The following MYO9B variants were observed in gnomAD, a reference collection of about 807,000 sequenced individuals.
MYO9B encodes unconventional myosin-IXb.
In MYO9B, 71 loss-of-function variants were observed where a neutral mutation model predicts 229.5. The observed-to-expected ratio is 0.31, with a 90% CI of 0.26 to 0.38. The LOEUF (loss-of-function observed/expected upper bound fraction) is 0.38. MYO9B is among the 10% of genes least tolerant of loss of function. MYO9B has a pLI of 1.00. For missense variants in MYO9B, 2,255 were observed against 2,920.5 expected, an observed-to-expected ratio of 0.77 and a Z score of 5.25; for synonymous variants, 1,185 against 1,235.8, an observed-to-expected ratio of 0.96 and a Z score of 0.86.
intron 32 of MYO9B, 34 bp from the exon 33 acceptor site, chr19:17,206,214 G>A (rs767108512): frequency 2.0e-5 from 32 of 1,588,498 alleles, no homozygotes; most frequent in Middle Eastern, 1.9e-4. Context: ...CTGCCAGTGC[G>A]CCGCTCACCA....
rs191540028 is a variant in MYO9B at position 17,147,831 on chromosome 19, C to T, written c.935+2340C>T. On this transcript the variant is annotated intron_variant, in intron 3 of 39. Coordinates refer to ENST00000682292, the MANE Select transcript of MYO9B (RefSeq NM_004145.4). ...TCGAGTAGCTGGGATTACAGGCATGCGCCACCACACCTGGCTAATTTTGTA... is the reference window on the plus strand; with the variant it reads ...TCGAGTAGCTGGGATTACAGGCATGTGCCACCACACCTGGCTAATTTTGTA... 1.1e-3 allele frequency among the ~76,000 whole-genome samples: 165 copies of T among 151,294 alleles called. 2 individuals are homozygous for T. In the East Asian group the frequency reaches 0.024, roughly 22 times the overall value.
At chr19:17,183,761 G>T (rs1392685788) in intron 15 of MYO9B, 68 bp from the exon 16 acceptor site, 2 of 1,396,826 alleles carry the variant, frequency 1.4e-6, no homozygotes, top group African/African-American at 2.9e-5. Context: ...GGCGTGGCTT[G>T]CTGAACTAAC....
rs1183417645 is a variant in MYO9B, at chr19:17,162,439, C to T, written c.1509C>T (p.Asn503=). 1.3e-6 allele frequency: 2 copies of T among 1,577,698 alleles called. No homozygotes were observed. The highest frequency in any genetic ancestry group is 1.8e-5 in the Admixed American group (1 of 54,540). ...TGCGGATCAACCACGCACTCCTCAA[C>T]AAGAAGGACGTGGAAGAGGCAGTCT... ...IVLRINHALL[N]KKDVEEAVSC... The change falls in exon 9 of 40, where the codon AAC becomes AAT. Residue 503 remains asparagine, a synonymous_variant. Transcript: ENST00000682292.
At chr19:17,190,485 C>G (rs1269349038) in intron 19 of MYO9B, among the ~76,000 whole-genome samples, 1 of 150,058 alleles carries the variant, frequency 6.7e-6, no homozygotes, top group Non-Finnish European at 1.5e-5. Context: ...TTTTAATTAG[C>G]TGGGCATGGT....
intron 2 of MYO9B, among the ~76,000 whole-genome samples, chr19:17,136,129 C>T (rs2072266752): frequency 6.6e-6 from 1 of 150,916 alleles, no homozygotes; most frequent in Admixed American, 6.7e-5. Flanking sequence ...CCTGACAGAT[C>T]TCTTTGAATT....
chr19:17,156,885 A>G, intron 6 of MYO9B, 24 bp from the exon 7 acceptor site: 1 of 1,607,240 alleles, frequency 6.2e-7, no homozygotes, highest in Non-Finnish European at 8.5e-7. Context: ...AACTACCCAA[A>G]TATGAGTGCC....
chr19:17,158,361 C>A (rs1268211478), intron 7 of MYO9B, among the ~76,000 whole-genome samples: 1 of 152,158 alleles, frequency 6.6e-6, no homozygotes, highest in African/African-American at 2.4e-5. Flanking sequence ...CGTCTGAGGT[C>A]AGGAGTTTGA....
At chr19:17,112,416 G>A (rs1445640687) in intron 2 of MYO9B, among the ~76,000 whole-genome samples, 1 of 152,226 alleles carries the variant, frequency 6.6e-6, no homozygotes, top group African/African-American at 2.4e-5. Flanking sequence ...AGTGGCCAGA[G>A]GGAGGCTGGC....
chr19:17,128,059 C>T (rs1372894035), intron 2 of MYO9B, among the ~76,000 whole-genome samples: 1 of 152,116 alleles, frequency 6.6e-6, no homozygotes, highest in African/African-American at 2.4e-5. Context: ...TCCACTGAAT[C>T]TTGCAAAGTG....
intron 1 of MYO9B, among the ~76,000 whole-genome samples, chr19:17,092,974 G>C (rs1160291811): frequency 1.3e-5 from 2 of 152,114 alleles, no homozygotes; most frequent in African/African-American, 4.8e-5. Context: ...TTTCCTCTGT[G>C]TACATGCAAG....
intron 10 of MYO9B, among the ~76,000 whole-genome samples, chr19:17,165,120 T>C (rs937127113): frequency 6.6e-6 from 1 of 152,180 alleles, no homozygotes; most frequent in African/African-American, 2.4e-5. Context: ...TCCTCCCACG[T>C]TGGCCTCTCA....
chr19:17,205,027 T>C (rs2073144281), intron 30 of MYO9B, among the ~76,000 whole-genome samples: 1 of 152,154 alleles, frequency 6.6e-6, no homozygotes, highest in African/African-American at 2.4e-5. Flanking sequence ...GGCGCACACC[T>C]GTAATCCCAG....
intron 10 of MYO9B, among the ~76,000 whole-genome samples, chr19:17,167,381 C>T (rs1027507559): frequency 3.2e-4 from 48 of 151,958 alleles, no homozygotes; most frequent in African/African-American, 1.1e-3. Flanking sequence ...GATCCTACCA[C>T]CTTGGCCTCT....
chr19:17,186,551 G>A (rs975791311), intron 18 of MYO9B, among the ~76,000 whole-genome samples: 19 of 152,042 alleles, frequency 1.2e-4, no homozygotes, highest in East Asian at 9.6e-4. Flanking sequence ...GGAACCTCCC[G>A]CCAACTGTAC....
chr19:17,132,015 G>T (rs2072202592), intron 2 of MYO9B, among the ~76,000 whole-genome samples: 1 of 151,560 alleles, frequency 6.6e-6, no homozygotes, highest in African/African-American at 2.4e-5. Context: ...GAGTAGCTGG[G>T]ACTAGAGGCA....
chr19:17,164,904 A>G (rs529681775), intron 10 of MYO9B, among the ~76,000 whole-genome samples: 1 of 152,314 alleles, frequency 6.6e-6, no homozygotes, highest in South Asian at 2.1e-4. Context: ...GACTTAGCAC[A>G]TGAGAAAAAA....
At chr19:17,118,568 G>A (rs1019533381) in intron 2 of MYO9B, among the ~76,000 whole-genome samples, 1 of 151,660 alleles carries the variant, frequency 6.6e-6, no homozygotes, top group African/African-American at 2.4e-5. Context: ...TAAAACCTCC[G>A]CCTCCCAGGT....
intron 35 of MYO9B, 55 bp downstream of exon 35, chr19:17,207,299 C>A: frequency 6.4e-7 from 1 of 1,559,908 alleles, no homozygotes; most frequent in Admixed American, 1.9e-5. Flanking sequence ...CCCAGGACCC[C>A]ACGACAGCTC....
At chr19:17,132,841 T>TTTA (rs1054142087) in intron 2 of MYO9B, among the ~76,000 whole-genome samples, 14 of 149,712 alleles carry the variant, frequency 9.4e-5, no homozygotes, top group Non-Finnish European at 1.2e-4. Flanking sequence ...TTTATTTCTT[T>TTTA]TTTATTTATT....
Sources: gnomAD v4.1 joint callset for allele counts (sites outside exome capture counted in the v4.1 genomes callset) on GRCh38, gnomAD v4.1.1 for gene constraint, MANE v1.5 for transcripts, NCBI Gene and HGNC (gene_info 2026-07-23, HGNC 2026-07-21) for gene names.